FOXP1: variants seen among roughly 807,000 people sequenced by gnomAD.
FOXP1 encodes the protein forkhead box protein P1.
FOXP1 carries 15 observed loss-of-function variants against 98.2 expected under a neutral mutation model. That is an observed-to-expected ratio of 0.15 (90% CI 0.10 to 0.24). FOXP1 has a LOEUF of 0.24. Ranked by LOEUF, FOXP1 falls within the 10% of genes least tolerant of loss-of-function variation. The pLI, the probability that FOXP1 is intolerant of heterozygous loss-of-function variation, is 1.00. For synonymous variants in FOXP1, 371 were observed against 314.5 expected, an observed-to-expected ratio of 1.18 and a Z score of -1.90; for missense variants, 633 against 848.5, an observed-to-expected ratio of 0.75 and a Z score of 3.15.
At chr3:71,162,969 G>A (rs1000393290) in intron 6 of FOXP1, among the ~76,000 whole-genome samples, 1 of 152,108 alleles carries the variant, frequency 6.6e-6, no homozygotes, top group South Asian at 2.1e-4. Context: ...ATTAGAAGAT[G>A]TATCAATGCA....
intron 5 of FOXP1, among the ~76,000 whole-genome samples, chr3:71,248,839 C>T (rs2067965579): frequency 6.6e-6 from 1 of 152,116 alleles, no homozygotes; most frequent in Non-Finnish European, 1.5e-5. Flanking sequence ...GATGGACCAA[C>T]CTATGAGATT....
chr3:71,041,673 A>G (rs796449974), intron 10 of FOXP1, 141 bp from the exon 11 acceptor site: 68 of 757,034 alleles, frequency 9.0e-5, no homozygotes, highest in African/African-American at 8.4e-4. Context: ...TCCCCTCCCA[A>G]CTACGGCAGA....
chr3:71,444,532 T>C (rs1313334340), intron 3 of FOXP1, among the ~76,000 whole-genome samples: 2 of 152,116 alleles, frequency 1.3e-5, no homozygotes, highest in Non-Finnish European at 2.9e-5. Context: ...CCAATCGCCT[T>C]TCAAGTCCAA....
intron 2 of FOXP1, among the ~76,000 whole-genome samples, chr3:71,541,231 T>C (rs1477988851): frequency 6.6e-6 from 1 of 152,242 alleles, no homozygotes; most frequent in African/African-American, 2.4e-5. Context: ...AACTCACTGG[T>C]CAATTATAAT....
chr3:71,061,020 C>G (rs2051396623), intron 7 of FOXP1, among the ~76,000 whole-genome samples: 1 of 152,026 alleles, frequency 6.6e-6, no homozygotes, highest in Admixed American at 6.5e-5. Flanking sequence ...AAGTAGAGGC[C>G]CAGATTAGCT....
chr3:71,551,478 T>C (rs1051454742), intron 2 of FOXP1, among the ~76,000 whole-genome samples: 5 of 152,122 alleles, frequency 3.3e-5, no homozygotes, highest in African/African-American at 7.2e-5. Flanking sequence ...AAAACCAAAG[T>C]AATAAATGTG....
At chr3:71,443,578 A>G (rs754091685) in intron 3 of FOXP1, among the ~76,000 whole-genome samples, 2 of 152,144 alleles carry the variant, frequency 1.3e-5, no homozygotes, top group Non-Finnish European at 2.9e-5. Flanking sequence ...AATCGCCTAT[A>G]GGGCTGGTTA....
chr3:71,346,987 C>T (rs1351803043), intron 4 of FOXP1, among the ~76,000 whole-genome samples: 4 of 152,044 alleles, frequency 2.6e-5, no homozygotes, highest in Non-Finnish European at 5.9e-5. Flanking sequence ...TAGCCAAGAT[C>T]GCACCACCAT....
rs1444077947 is a variant in FOXP1, at chr3:70,970,781, C to T, written c.1677G>A (p.Met559Ile). 44 of 1,613,804 alleles carry T rather than the reference C, an allele frequency of 2.7e-5. No homozygotes were observed. In the Admixed American group the frequency reaches 7.2e-4, roughly 26 times the overall value. Residue 559 changes from methionine (M) to isoleucine (I), a missense_variant, in exon 19 of 21, where the codon ATG becomes ATA. Transcript: ENST00000649528. ...GTGTGCAGTAGGCGTGGCTGCTCTG[C>T]ATGTTTTTAATAAGGGAAGGGTTAC... is the stretch of plus-strand genomic sequence containing the variant. ...ISGNPSLIKNMQSSHAYCTPL... is the reference protein window; with the variant it reads ...ISGNPSLIKNIQSSHAYCTPL...
intron 4 of FOXP1, among the ~76,000 whole-genome samples, chr3:71,338,573 G>C (rs6771515): frequency 6.6e-6 from 1 of 151,768 alleles, no homozygotes; most frequent in Admixed American, 6.6e-5. Flanking sequence ...GACTACAGGG[G>C]CCCGCCACCA....
intron 3 of FOXP1, among the ~76,000 whole-genome samples, chr3:71,446,968 G>A (rs2086504804): frequency 6.6e-6 from 1 of 152,258 alleles, no homozygotes; most frequent in Non-Finnish European, 1.5e-5. Flanking sequence ...GGATGAAGCA[G>A]GCAGGGACTC....
At chr3:71,181,947 A>G (rs1435094405) in intron 6 of FOXP1, among the ~76,000 whole-genome samples, 1 of 151,360 alleles carries the variant, frequency 6.6e-6, no homozygotes, top group Non-Finnish European at 1.5e-5. Flanking sequence ...AGGCAGGAGA[A>G]TGGCGTGAAC....
chr3:71,280,016 G>C (rs550737766), intron 5 of FOXP1, among the ~76,000 whole-genome samples: 1 of 151,250 alleles, frequency 6.6e-6, no homozygotes, highest in Admixed American at 6.6e-5. Context: ...CCAGCTACTC[G>C]GGAGGCTGAG....
At chr3:71,562,458 A>G (rs2046613552) in intron 2 of FOXP1, among the ~76,000 whole-genome samples, 1 of 152,202 alleles carries the variant, frequency 6.6e-6, no homozygotes, top group Admixed American at 6.5e-5. Context: ...ACTCTGGCTC[A>G]GTATCTACTG....
At chr3:71,019,808 C>G (rs960102689) in intron 11 of FOXP1, among the ~76,000 whole-genome samples, 1 of 151,546 alleles carries the variant, frequency 6.6e-6, no homozygotes, top group Non-Finnish European at 1.5e-5. Context: ...CCAGCCTGGG[C>G]GACAGATGAC....
chr3:71,367,290 A>G (rs1288791175), intron 3 of FOXP1, among the ~76,000 whole-genome samples: 1 of 152,226 alleles, frequency 6.6e-6, no homozygotes, highest in Non-Finnish European at 1.5e-5. Context: ...AAATGTGATC[A>G]GCATTCATCA....
chr3:71,249,706 C>T (rs2068035298), intron 5 of FOXP1, among the ~76,000 whole-genome samples: 1 of 152,174 alleles, frequency 6.6e-6, no homozygotes, highest in Non-Finnish European at 1.5e-5. Context: ...ACAAGCCAAT[C>T]CACTATACCC....
At chr3:71,344,109 T>C (rs1409011202) in intron 4 of FOXP1, among the ~76,000 whole-genome samples, 1 of 152,206 alleles carries the variant, frequency 6.6e-6, no homozygotes, top group African/African-American at 2.4e-5. Context: ...TGTGAGTACA[T>C]CCGCCATCTC....
At chr3:71,513,128 T>C (rs2042317682) in intron 2 of FOXP1, among the ~76,000 whole-genome samples, 1 of 152,146 alleles carries the variant, frequency 6.6e-6, no homozygotes, top group Non-Finnish European at 1.5e-5. Context: ...CCTATCTGCC[T>C]CTACAGCCTG....
Sources: allele counts gnomAD v4.1 joint callset (sites outside exome capture counted in the v4.1 genomes callset), GRCh38; gene constraint gnomAD v4.1.1; transcripts MANE v1.5; gene names NCBI Gene and HGNC (gene_info 2026-07-23, HGNC 2026-07-21).